Variants in CCDC7 observed in about 807,000 individuals in gnomAD.
CCDC7 encodes the protein coiled-coil domain containing 7.
In CCDC7, 183 loss-of-function variants were observed where a neutral mutation model predicts 196.9. The observed-to-expected ratio is 0.93, with a 90% confidence interval of 0.82 to 1.05. The LOEUF (loss-of-function observed/expected upper bound fraction) is 1.05. Ranked by LOEUF, CCDC7 falls within the 50% of genes least tolerant of loss-of-function variation. CCDC7 has a pLI of 0.00. For missense variants in CCDC7, 1,540 were observed against 1,482.2 expected, an observed-to-expected ratio of 1.04 and a Z score of -0.64; for synonymous variants, 525 against 484.6, an observed-to-expected ratio of 1.08 and a Z score of -1.10.
exon 15 of CCDC7, chr10:32,567,778 A>G (rs765677973): frequency 4.6e-5 from 75 of 1,613,600 alleles, no homozygotes; most frequent in Non-Finnish European, 6.2e-5. Flanking sequence ...TAGTCAAACA[A>G]AAGTTAAAGG....
At chr10:32,828,792 A>C (rs964844472) in intron 32 of CCDC7, among the ~76,000 whole-genome samples, 1 of 152,208 alleles carries the variant, frequency 6.6e-6, no homozygotes, top group Non-Finnish European at 1.5e-5. Context: ...TCACAGGTCC[A>C]GGAATCATGG....
intron 19 of CCDC7, among the ~76,000 whole-genome samples, 199 bp downstream of exon 20, chr10:32,634,563 A>G (rs1248680065): frequency 6.6e-6 from 1 of 151,846 alleles, no homozygotes; most frequent in Non-Finnish European, 1.5e-5. Flanking sequence ...TGCCTGGCTA[A>G]TTTTTGTATC....
At chr10:32,488,203 C>T (rs2041543271) in intron 8 of CCDC7, among the ~76,000 whole-genome samples, 1 of 152,246 alleles carries the variant, frequency 6.6e-6, no homozygotes, top group Non-Finnish European at 1.5e-5. Context: ...CCTCCCTCAG[C>T]CTTGCTGTGG....
chr10:32,701,059 C>G (rs2078629242), intron 24 of CCDC7, among the ~76,000 whole-genome samples: 1 of 152,166 alleles, frequency 6.6e-6, no homozygotes, highest in African/African-American at 2.4e-5. Context: ...CCTTCTCCTG[C>G]CTGATTGCCC....
chr10:32,859,178 C>T (rs976593411), intron 41 of CCDC7, among the ~76,000 whole-genome samples: 4 of 152,174 alleles, frequency 2.6e-5, no homozygotes, highest in African/African-American at 9.7e-5. Flanking sequence ...GTAAAGCACT[C>T]CTTAGCAAAT....
At position 32,536,020 on chromosome 10, in the gene CCDC7, C is replaced by T. The variant is rs867882059; in HGVS notation, c.994-7280C>T. On this transcript the variant is annotated intron_variant, in intron 11 of 41. Coordinates refer to ENST00000639629, the Ensembl canonical transcript of CCDC7. ...TTATAGGGCATGTCTTCCCAGACCCCTTAAATAGGAATTTCAGCAAGAGAG... is the reference window on the plus strand; with the variant it reads ...TTATAGGGCATGTCTTCCCAGACCCTTTAAATAGGAATTTCAGCAAGAGAG... Among the ~76,000 whole-genome samples the T allele has an allele frequency of 2.0e-5, 3 of 152,184 alleles. No homozygotes were observed. The South Asian group carries it at 6.2e-4, about 32-fold the overall frequency.
rs2066190176 is a variant in CCDC7 at position 32,638,962 on chromosome 10, G to A, written c.2014+3804G>A. On this transcript the variant is annotated intron_variant, in intron 20 of 41. Transcript: ENST00000639629. The stretch of plus-strand genomic sequence containing the variant: ...CTTCTTCCTGGTTTAGTTTTGGGAG[G>A]ATGTTTGTTTTGAAGAATTTATCCA... 4.6e-5 allele frequency among the ~76,000 whole-genome samples: 7 copies of A among 152,248 alleles called. No individual in the cohort carries two copies. The South Asian group carries it at 1.5e-3, about 32-fold the overall frequency.
At chr10:32,622,336 A>T (rs1408411342) in intron 18 of CCDC7, among the ~76,000 whole-genome samples, 2 of 152,056 alleles carry the variant, frequency 1.3e-5, no homozygotes, top group African/African-American at 4.8e-5. Flanking sequence ...ATGAGATTTA[A>T]TGAAGAATTA....
upstream of CCDC7, among the ~76,000 whole-genome samples, chr10:32,447,643 T>TAA (rs2031727025): frequency 6.6e-6 from 1 of 152,122 alleles, no homozygotes; most frequent in Non-Finnish European, 1.5e-5. Flanking sequence ...GGCTCAGGCG[T>TAA]GTAATCCCAG....
chr10:32,769,262 A>G (rs1316480724), intron 28 of CCDC7, among the ~76,000 whole-genome samples: 1 of 151,694 alleles, frequency 6.6e-6, no homozygotes, highest in Non-Finnish European at 1.5e-5. Flanking sequence ...AAATTTATCC[A>G]TTTCCTCTAG....
At chr10:32,784,531 T>A (rs746533384) in intron 29 of CCDC7, among the ~76,000 whole-genome samples, 11 of 152,190 alleles carry the variant, frequency 7.2e-5, no homozygotes, top group Non-Finnish European at 1.3e-4. Flanking sequence ...TCCAGCTTCA[T>A]CCATGTCCCT....
At chr10:32,701,865 C>T (rs1179213415) in intron 24 of CCDC7, among the ~76,000 whole-genome samples, 2 of 151,954 alleles carry the variant, frequency 1.3e-5, no homozygotes, top group African/African-American at 4.8e-5. Context: ...GTGGTGATAT[C>T]CCCTTTATCA....
chr10:32,488,631 C>G (rs1000973649), intron 8 of CCDC7, among the ~76,000 whole-genome samples: 1 of 152,160 alleles, frequency 6.6e-6, no homozygotes, highest in African/African-American at 2.4e-5. Flanking sequence ...TGGCTCCAAC[C>G]CCCCAGCATC....
chr10:32,821,900 T>G (rs1372402255), intron 31 of CCDC7, among the ~76,000 whole-genome samples: 3 of 152,038 alleles, frequency 2.0e-5, no homozygotes, highest in Non-Finnish European at 4.4e-5. Flanking sequence ...ACATGGCACA[T>G]GTATACATAT....
intron 20 of CCDC7, among the ~76,000 whole-genome samples, chr10:32,661,510 A>T (rs1386557665): frequency 2.0e-5 from 3 of 152,170 alleles, no homozygotes; most frequent in Non-Finnish European, 4.4e-5. Flanking sequence ...AGCATATCTC[A>T]GAGTCTCACC....
At chr10:32,455,519 G>A (rs915146219) in intron 2 of CCDC7, among the ~76,000 whole-genome samples, 2 of 152,010 alleles carry the variant, frequency 1.3e-5, no homozygotes, top group African/African-American at 4.8e-5. Context: ...ATTTTGCCAT[G>A]CTGGCCAGGC....
At chr10:32,626,646 GT>G (rs1415527392) in intron 18 of CCDC7, among the ~76,000 whole-genome samples, 2 of 151,916 alleles carry the variant, frequency 1.3e-5, no homozygotes, top group Non-Finnish European at 2.9e-5. Context: ...CACCAATGCT[GT>G]GCAGCTTTTA....
chr10:32,872,769 A>G (rs2136871847), intron 41 of CCDC7, among the ~76,000 whole-genome samples: 1 of 152,088 alleles, frequency 6.6e-6, no homozygotes, highest in South Asian at 2.1e-4. Flanking sequence ...GCTTGTCTGT[A>G]AAGGATTTTA....
chr10:32,795,216 C>A (rs1170012388), intron 29 of CCDC7, among the ~76,000 whole-genome samples: 1 of 152,002 alleles, frequency 6.6e-6, no homozygotes, highest in African/African-American at 2.4e-5. Context: ...TAGATTTGGT[C>A]TTTTGAGGTT....
Sources: gnomAD v4.1 joint callset for allele counts (sites outside exome capture counted in the v4.1 genomes callset) on GRCh38, gnomAD v4.1.1 for gene constraint, MANE v1.5 for transcripts, NCBI Gene and HGNC (gene_info 2026-07-23, HGNC 2026-07-21) for gene names.